The following ST7 variants were observed in gnomAD, a reference collection of about 807,000 sequenced individuals.
ST7 encodes the protein suppression of tumorigenicity 7, also known as suppressor of tumorigenicity 7 protein.
Under a neutral mutation model 78.7 loss-of-function variants are expected in ST7, and 28 were observed. The observed-to-expected ratio is 0.36, with a 90% CI of 0.26 to 0.49. The LOEUF (loss-of-function observed/expected upper bound fraction) is 0.49. Among genes scored for constraint, ST7 ranks in the 20% least tolerant of loss-of-function variants. ST7 has a pLI of 0.99. For synonymous variants in ST7, 247 were observed against 249.6 expected, an observed-to-expected ratio of 0.99 and a Z score of 0.10; for missense variants, 418 against 696.0, an observed-to-expected ratio of 0.60 and a Z score of 4.49.
At chr7:117,220,578 G>C (rs1383542971) in intron 14 of ST7, among the ~76,000 whole-genome samples, 1 of 152,210 alleles carries the variant, frequency 6.6e-6, no homozygotes, top group Non-Finnish European at 1.5e-5. Flanking sequence ...GTTCTTAAGA[G>C]AAACCTTATA....
chr7:117,162,184 A>C (rs1441454977), intron 9 of ST7, among the ~76,000 whole-genome samples: 1 of 152,154 alleles, frequency 6.6e-6, no homozygotes, highest in East Asian at 1.9e-4. Flanking sequence ...GTGAGAATAA[A>C]AAATTACTGA....
chr7:117,121,038 AATG>A (rs1455534489), intron 3 of ST7, among the ~76,000 whole-genome samples: 1 of 152,214 alleles, frequency 6.6e-6, no homozygotes, highest in Non-Finnish European at 1.5e-5. Flanking sequence ...AATGATCTCT[AATG>A]AGGATGGTTT....
At chr7:117,024,229 C>T (rs1243888042) in intron 1 of ST7, among the ~76,000 whole-genome samples, 1 of 152,086 alleles carries the variant, frequency 6.6e-6, no homozygotes, top group Non-Finnish European at 1.5e-5. Flanking sequence ...GAAAAAATTT[C>T]ATCCTTTCTT....
At chr7:116,961,424 G>T (rs936122907) in intron 1 of ST7, among the ~76,000 whole-genome samples, 1 of 152,104 alleles carries the variant, frequency 6.6e-6, no homozygotes, top group Non-Finnish European at 1.5e-5. Flanking sequence ...GCATTTTAAT[G>T]ATATTGATTC....
chr7:117,061,898 G>A (rs1026152288), intron 1 of ST7, among the ~76,000 whole-genome samples: 1 of 152,206 alleles, frequency 6.6e-6, no homozygotes, highest in Non-Finnish European at 1.5e-5. Context: ...GATAACTTGT[G>A]TGTGACTGAT....
At chr7:116,992,547 C>T (rs1794477253) in intron 1 of ST7, among the ~76,000 whole-genome samples, 1 of 152,198 alleles carries the variant, frequency 6.6e-6, no homozygotes, top group African/African-American at 2.4e-5. Flanking sequence ...GGGACCCTGG[C>T]CCCTGCCCAT....
intron 1 of ST7, among the ~76,000 whole-genome samples, chr7:117,050,970 G>T (rs962081777): frequency 4.0e-4 from 60 of 151,182 alleles, no homozygotes; most frequent in Admixed American, 3.2e-3. Context: ...TTCAGGCTAT[G>T]CGGTTTGAGT....
intron 1 of ST7, among the ~76,000 whole-genome samples, chr7:117,074,221 T>C (rs1223788001): frequency 6.6e-6 from 1 of 152,100 alleles, no homozygotes; most frequent in African/African-American, 2.4e-5. Flanking sequence ...TGAAACCCTG[T>C]CTCTACTAAA....
intron 12 of ST7, among the ~76,000 whole-genome samples, chr7:117,203,372 G>T (rs557412224): frequency 6.6e-6 from 1 of 152,362 alleles, no homozygotes; most frequent in East Asian, 1.9e-4. Context: ...AGGAGTTACT[G>T]AGATAATGCT....
chr7:117,009,683 A>AT (rs950956668), intron 1 of ST7, among the ~76,000 whole-genome samples: 319 of 151,498 alleles, frequency 2.1e-3, no homozygotes, highest in African/African-American at 7.4e-3. Flanking sequence ...TAATTGCTAT[A>AT]TTTTTTTTTA....
intron 12 of ST7, among the ~76,000 whole-genome samples, chr7:117,196,189 C>G (rs1457127619): frequency 6.6e-6 from 1 of 152,200 alleles, no homozygotes; most frequent in Admixed American, 6.5e-5. Context: ...TAGGTTATTT[C>G]CATCTCTTGG....
chr7:117,038,116 A>C (rs1796994206), intron 1 of ST7, among the ~76,000 whole-genome samples: 1 of 152,224 alleles, frequency 6.6e-6, no homozygotes, highest in East Asian at 1.9e-4. Context: ...GGTCATTCCC[A>C]AGCTAATGGC....
At chr7:117,195,020 A>T (rs1171957356) in intron 12 of ST7, among the ~76,000 whole-genome samples, 1 of 152,226 alleles carries the variant, frequency 6.6e-6, no homozygotes, top group African/African-American at 2.4e-5. Flanking sequence ...CAAAAGGTGG[A>T]CTAAATTATT....
In ST7 at chr7:117,130,400, G is replaced by T. The variant is rs559046390; in HGVS notation, c.450-91G>T. 14 of 839,316 alleles carry T rather than the reference G, an allele frequency of 1.7e-5. No homozygotes were observed. In the African/African-American group the frequency reaches 2.1e-4, roughly 13 times the overall value. The allele number at this position is 839,316 out of a possible 1,614,324, so 52.0% of individuals were successfully genotyped here. A position where few individuals can be genotyped will look rare whatever the true frequency, so the allele number is the denominator to read the frequency against. On this transcript the variant is annotated intron_variant, in intron 4 of 15. Coordinates refer to ENST00000323984, the MANE Select transcript of ST7 (RefSeq NM_001369598.1). ...AAGCTATTTTAGTATTCAGTTAATGGTCTATATTTCAACGCCTCTGCAGCT... is the reference window on the plus strand; with the variant it reads ...AAGCTATTTTAGTATTCAGTTAATGTTCTATATTTCAACGCCTCTGCAGCT...
chr7:116,956,221 C>T (rs1289681139), intron 1 of ST7, among the ~76,000 whole-genome samples: 6 of 152,190 alleles, frequency 3.9e-5, no homozygotes, highest in Non-Finnish European at 8.8e-5. Context: ...TTGTTGTCAA[C>T]TTAATTCCCT....
In ST7 at chr7:117,200,835, A is replaced by T. The variant is rs868386445; in HGVS notation, c.1255-8952A>T. Reference sequence around the variant, plus strand: ...AATGTACTCTTTTTTTTTTTTTTTTAAAAAAAAAAGAAAGCTCATCTAATG... The same window carrying T: ...AATGTACTCTTTTTTTTTTTTTTTTTAAAAAAAAAGAAAGCTCATCTAATG... On this transcript the variant is annotated intron_variant, in intron 12 of 15. Coordinates refer to ENST00000323984, the MANE Select transcript of ST7 (RefSeq NM_001369598.1). 2.1e-3 allele frequency among the ~76,000 whole-genome samples: 240 copies of T among 116,298 alleles called. 1 individual carries two copies. The highest frequency in any genetic ancestry group is 5.4e-3 in the Admixed American group (69 of 12,708). 76.3% of individuals were successfully genotyped at this position (116,298 alleles called of 152,430 possible). A position where few individuals can be genotyped will look rare whatever the true frequency, so the allele number is the denominator to read the frequency against.
intron 1 of ST7, among the ~76,000 whole-genome samples, chr7:116,982,175 T>TCTG (rs925206346): frequency 8.5e-5 from 13 of 152,122 alleles, no homozygotes; most frequent in African/African-American, 1.4e-4. Flanking sequence ...TTCATTTACT[T>TCTG]CTGCTGCTGC....
At chr7:117,062,202 G>A (rs1298470620) in intron 1 of ST7, among the ~76,000 whole-genome samples, 1 of 152,168 alleles carries the variant, frequency 6.6e-6, no homozygotes. Flanking sequence ...GGTCCCTTGG[G>A]CGCTTCTCTC....
At chr7:117,197,369 G>A (rs551232453) in intron 12 of ST7, among the ~76,000 whole-genome samples, 4 of 152,250 alleles carry the variant, frequency 2.6e-5, no homozygotes, top group African/African-American at 7.2e-5. Context: ...TTGACATGAC[G>A]GGTCAACTTC....
Sources: allele counts gnomAD v4.1 joint callset (sites outside exome capture counted in the v4.1 genomes callset), GRCh38; gene constraint gnomAD v4.1.1; transcripts MANE v1.5; gene names NCBI Gene and HGNC (gene_info 2026-07-23, HGNC 2026-07-21).